The following GABRB2 variants were observed in gnomAD, a reference collection of about 807,000 sequenced individuals.
GABRB2 encodes gamma-aminobutyric acid type A receptor subunit beta2.
A neutral mutation model predicts 54.7 loss-of-function variants in GABRB2; 16 were observed. The ratio of observed to expected loss-of-function variants is 0.29; its 90% CI spans 0.20 to 0.44. The LOEUF (loss-of-function observed/expected upper bound fraction) is 0.44. Among genes scored for constraint, GABRB2 ranks in the 20% least tolerant of loss-of-function variants. The probability of loss-of-function intolerance (pLI) is 1.00; values close to 1 mark genes in which losing one functional copy is unlikely to be tolerated. For synonymous variants in GABRB2, 244 were observed against 233.8 expected (o/e 1.04, Z -0.40); for missense variants, 355 against 644.0 (o/e 0.55, Z 4.86).
intron 2 of GABRB2, among the ~76,000 whole-genome samples, chr5:161,545,795 C>T (rs1760965873): frequency 6.6e-6 from 1 of 152,094 alleles, no homozygotes; most frequent in African/African-American, 2.4e-5. Context: ...CTCCCATTTT[C>T]TCCCTACCCT....
intron 3 of GABRB2, among the ~76,000 whole-genome samples, chr5:161,471,198 T>C (rs1758429386): frequency 6.6e-6 from 1 of 151,968 alleles, no homozygotes; most frequent in Admixed American, 6.6e-5. Context: ...ACATAGTTTA[T>C]CTATCAAAAG....
chr5:161,471,705 A>G lies in GABRB2; in HGVS notation c.238-11861T>C, dbSNP rs76377506. ...AAATAATCCAGCCCTATAACTGCCT[A>G]TCTCTGACCCTTATCTTAATATGTA... On this transcript the variant is annotated intron_variant, in intron 3 of 9. Coordinates refer to ENST00000393959, the MANE Select transcript of GABRB2 (RefSeq NM_001371727.1). Among the ~76,000 whole-genome samples, 73 of 152,106 alleles carry G rather than the reference A, an allele frequency of 4.8e-4. 1 individual carries two copies. Among genetic ancestry groups the G allele is most frequent in the African/African-American group, 1.7e-3 (71 of 41,562 alleles).
In GABRB2 at chr5:161,393,478, T is replaced by C. The variant is rs907377619; in HGVS notation, c.541+17497A>G. On this transcript the variant is annotated intron_variant, in intron 5 of 9. Transcript: ENST00000393959. ...AAAAGCAGGAGGAACCGTCAAAGCA[T>C]ACAAAAAGCCAGACTCTACTATGTG... Among the ~76,000 whole-genome samples the C allele has an allele frequency of 3.3e-5, 5 of 151,722 alleles. No homozygotes were observed. The South Asian group carries it at 6.2e-4, about 19-fold the overall frequency.
chr5:161,331,663 T>C (rs1463098767), intron 7 of GABRB2, among the ~76,000 whole-genome samples: 2 of 152,016 alleles, frequency 1.3e-5, no homozygotes, highest in Non-Finnish European at 2.9e-5. Flanking sequence ...GGAAAAATCA[T>C]TGTGGGTACA....
chr5:161,510,250 C>T (rs1759726356), intron 3 of GABRB2, among the ~76,000 whole-genome samples: 1 of 151,690 alleles, frequency 6.6e-6, no homozygotes, highest in Non-Finnish European at 1.5e-5. Flanking sequence ...CCCCAGCTCC[C>T]CCCCAACCTC....
intron 5 of GABRB2, among the ~76,000 whole-genome samples, chr5:161,341,063 A>T (rs984905172): frequency 3.3e-5 from 5 of 152,038 alleles, no homozygotes; most frequent in African/African-American, 1.2e-4. Flanking sequence ...CTATTGCATC[A>T]TTGGTTTCTG....
intron 9 of GABRB2, among the ~76,000 whole-genome samples, chr5:161,305,812 G>A (rs1484674072): frequency 6.6e-6 from 1 of 152,198 alleles, no homozygotes; most frequent in Non-Finnish European, 1.5e-5. Flanking sequence ...TAATGCACAG[G>A]AGTAAAGGCA....
At chr5:161,326,924 T>C in intron 8 of GABRB2, 1 of 874,942 alleles carries the variant, frequency 1.1e-6, no homozygotes, top group Non-Finnish European at 1.4e-6. Context: ...TCTTAGTATT[T>C]GGCAGAAAAA....
intron 3 of GABRB2, among the ~76,000 whole-genome samples, chr5:161,535,683 C>T (rs1760611337): frequency 6.6e-6 from 1 of 152,138 alleles, no homozygotes; most frequent in African/African-American, 2.4e-5. Flanking sequence ...TATAAGAGAA[C>T]TGGTTAACTT....
chr5:161,458,733 G>T (rs1482268271), intron 4 of GABRB2, among the ~76,000 whole-genome samples: 1 of 152,168 alleles, frequency 6.6e-6, no homozygotes, highest in Admixed American at 6.5e-5. Flanking sequence ...AATGTATGAG[G>T]TTGTTGTAAG....
intron 4 of GABRB2, among the ~76,000 whole-genome samples, chr5:161,422,775 A>G (rs1301420515): frequency 6.6e-6 from 1 of 152,186 alleles, no homozygotes; most frequent in Non-Finnish European, 1.5e-5. Context: ...TGCATGGGAT[A>G]CTAACATTCC....
intron 9 of GABRB2, among the ~76,000 whole-genome samples, chr5:161,306,753 C>T (rs1757701722): frequency 1.3e-5 from 2 of 151,646 alleles, no homozygotes; most frequent in Admixed American, 6.6e-5. Flanking sequence ...AGTTTTGACA[C>T]ACGTTTAATG....
At chr5:161,383,345 G>T (rs1302995155) in intron 5 of GABRB2, among the ~76,000 whole-genome samples, 1 of 151,714 alleles carries the variant, frequency 6.6e-6, no homozygotes, top group East Asian at 1.9e-4. Flanking sequence ...ACATATTAAT[G>T]CAATCATGTG....
chr5:161,513,603 G>A (rs965184986), intron 3 of GABRB2, among the ~76,000 whole-genome samples: 4 of 151,926 alleles, frequency 2.6e-5, no homozygotes, highest in African/African-American at 7.2e-5. Context: ...CATACAGATG[G>A]CAGCAATAGA....
chr5:161,493,806 G>T (rs1759147139), intron 3 of GABRB2, among the ~76,000 whole-genome samples: 1 of 151,646 alleles, frequency 6.6e-6, no homozygotes, highest in South Asian at 2.1e-4. Context: ...CAACTTCATG[G>T]ACTATCTTTT....
chr5:161,397,867 C>T (rs1756052386), intron 5 of GABRB2, among the ~76,000 whole-genome samples: 1 of 152,202 alleles, frequency 6.6e-6, no homozygotes, highest in African/African-American at 2.4e-5. Flanking sequence ...ATCCTGACTT[C>T]ACATCTTATT....
At chr5:161,424,156 T>G (rs1756930567) in intron 4 of GABRB2, among the ~76,000 whole-genome samples, 1 of 152,116 alleles carries the variant, frequency 6.6e-6, no homozygotes, top group African/African-American at 2.4e-5. Flanking sequence ...CAAGGTGAAG[T>G]TCAAATGCTG....
intron 5 of GABRB2, among the ~76,000 whole-genome samples, chr5:161,363,855 G>T (rs1322330512): frequency 6.6e-6 from 1 of 152,198 alleles, no homozygotes; most frequent in Non-Finnish European, 1.5e-5. Flanking sequence ...AATAACCAGA[G>T]AGGCTAGAAT....
intron 3 of GABRB2, among the ~76,000 whole-genome samples, chr5:161,488,271 A>T (rs1758988077): frequency 1.3e-5 from 2 of 149,850 alleles, no homozygotes; most frequent in Non-Finnish European, 1.5e-5. Context: ...GGAACTTAAG[A>T]CTCCAATCAC....
Sources: gnomAD v4.1 joint callset for allele counts (sites outside exome capture counted in the v4.1 genomes callset) on GRCh38, gnomAD v4.1.1 for gene constraint, MANE v1.5 for transcripts, NCBI Gene and HGNC (gene_info 2026-07-23, HGNC 2026-07-21) for gene names.